Variants in RIMS1 observed in about 807,000 individuals in gnomAD.
RIMS1 encodes regulating synaptic membrane exocytosis 1.
Under a neutral mutation model 214.1 loss-of-function variants are expected in RIMS1, and 83 were observed. That is an observed-to-expected ratio of 0.39 (90% CI 0.32 to 0.47). The LOEUF is 0.47. RIMS1 is among the 20% of genes least tolerant of loss of function. The probability of loss-of-function intolerance (pLI) is 0.99; values close to 1 mark genes in which losing one functional copy is unlikely to be tolerated. For missense variants in RIMS1, 2,050 were observed against 2,161.8 expected (o/e 0.95, Z 1.03); for synonymous variants, 793 against 786.8 (o/e 1.01, Z -0.13).
intron 2 of RIMS1, among the ~76,000 whole-genome samples, chr6:72,051,558 G>T (rs975283020): frequency 1.3e-5 from 2 of 152,242 alleles, no homozygotes; most frequent in South Asian, 4.1e-4. Context: ...GTCGTGGCTT[G>T]TGAAAGCCTA....
At chr6:72,211,129 T>C (rs1381899247) in intron 6 of RIMS1, among the ~76,000 whole-genome samples, 1 of 152,190 alleles carries the variant, frequency 6.6e-6, no homozygotes, top group Non-Finnish European at 1.5e-5. Context: ...AGATTAAGAA[T>C]CTTGGTATTA....
chr6:72,232,667 A>G (rs540421995), intron 6 of RIMS1, among the ~76,000 whole-genome samples: 2 of 151,928 alleles, frequency 1.3e-5, no homozygotes, highest in African/African-American at 4.8e-5. Flanking sequence ...TGTTTATTGT[A>G]GTACCTGTAT....
intron 2 of RIMS1, among the ~76,000 whole-genome samples, chr6:72,053,134 G>A (rs1369595816): frequency 2.0e-5 from 3 of 152,106 alleles, no homozygotes; most frequent in Non-Finnish European, 4.4e-5. Context: ...AACCAACCTT[G>A]GCATAGGTCT....
At chr6:72,089,853 A>C (rs1835712479) in intron 2 of RIMS1, among the ~76,000 whole-genome samples, 1 of 147,060 alleles carries the variant, frequency 6.8e-6, no homozygotes, top group African/African-American at 2.4e-5. Flanking sequence ...AAAAATGATG[A>C]GTTCATGTCT....
chr6:71,987,142 C>T (rs1295053674), intron 2 of RIMS1, among the ~76,000 whole-genome samples: 1 of 152,178 alleles, frequency 6.6e-6, no homozygotes, highest in East Asian at 1.9e-4. Context: ...CAAGCTCCTC[C>T]ACATTTTTTT....
intron 31 of RIMS1, among the ~76,000 whole-genome samples, chr6:72,393,475 A>C (rs1275828462): frequency 6.6e-6 from 1 of 152,214 alleles, no homozygotes; most frequent in Non-Finnish European, 1.5e-5. Flanking sequence ...CTGTAATCCC[A>C]GCACTTTGGG....
chr6:72,049,508 A>G (rs1389895390), intron 2 of RIMS1, among the ~76,000 whole-genome samples: 2 of 152,200 alleles, frequency 1.3e-5, no homozygotes, highest in African/African-American at 2.4e-5. Context: ...GGAATTGACA[A>G]AGTGGGAGGA....
In RIMS1 at chr6:72,015,358, A is replaced by AT. The variant is rs528598436; in HGVS notation, c.245+46301dup. On this transcript the variant is annotated intron_variant, in intron 2 of 33. Transcript: ENST00000521978. The stretch of plus-strand genomic sequence containing the variant: ...CAGGGATGTCCAAACTGTATAACTG[A>AT]TTTTTTGTATATTGATCTTATATTC... Among the ~76,000 whole-genome samples, 237 of 152,166 alleles carry AT rather than the reference A, an allele frequency of 1.6e-3. 1 individual carries two copies. The highest frequency in any genetic ancestry group is 5.4e-3 in the African/African-American group (225 of 41,530).
intron 1 of RIMS1, among the ~76,000 whole-genome samples, chr6:71,888,562 G>C (rs1320883954): frequency 6.6e-6 from 1 of 152,344 alleles, no homozygotes; most frequent in African/African-American, 2.4e-5. Context: ...CAGTGCAGCA[G>C]TGCCTCATAG....
chr6:72,093,171 T>G (rs1041264664), intron 2 of RIMS1, among the ~76,000 whole-genome samples: 10 of 148,436 alleles, frequency 6.7e-5, no homozygotes, highest in African/African-American at 2.5e-4. Flanking sequence ...CTAGAGAGTT[T>G]GGGAAAAGTT....
intron 4 of RIMS1, among the ~76,000 whole-genome samples, chr6:72,150,691 A>G (rs900975417): frequency 1.2e-4 from 18 of 152,252 alleles, no homozygotes; most frequent in African/African-American, 4.3e-4. Flanking sequence ...ATGAATATGC[A>G]ATAGTAATTG....
chr6:72,190,515 G>A (rs996823669), intron 6 of RIMS1, among the ~76,000 whole-genome samples: 4 of 151,234 alleles, frequency 2.6e-5, no homozygotes, highest in Non-Finnish European at 4.4e-5. Context: ...GGCTGTAGGG[G>A]CTATAGTGCT....
chr6:72,384,181 A>G (rs1355573197), intron 29 of RIMS1, among the ~76,000 whole-genome samples: 1 of 152,136 alleles, frequency 6.6e-6, no homozygotes, highest in East Asian at 1.9e-4. Context: ...TGTTCATCTA[A>G]TTATTCCAAT....
chr6:72,229,960 C>T (rs2061437977), intron 6 of RIMS1, among the ~76,000 whole-genome samples: 1 of 151,704 alleles, frequency 6.6e-6, no homozygotes, highest in African/African-American at 2.4e-5. Flanking sequence ...TTTGTGTATG[C>T]AGTGCATAAA....
chr6:71,973,891 G>C (rs1188872031), intron 2 of RIMS1, among the ~76,000 whole-genome samples: 1 of 152,122 alleles, frequency 6.6e-6, no homozygotes, highest in Non-Finnish European at 1.5e-5. Flanking sequence ...TGGTGTCCAG[G>C]CTCTTACCCA....
At chr6:72,022,876 C>A (rs1157449012) in intron 2 of RIMS1, among the ~76,000 whole-genome samples, 1 of 152,084 alleles carries the variant, frequency 6.6e-6, no homozygotes, top group Non-Finnish European at 1.5e-5. Flanking sequence ...ACTAGAAAGG[C>A]AGAGGCTTTA....
rs7772472 is a variant in RIMS1 at position 71,947,824 on chromosome 6, A to G, written c.165-21159A>G. Among the ~76,000 whole-genome samples, 528 of 152,176 alleles carry G rather than the reference A, an allele frequency of 3.5e-3. 2 individuals are homozygous for G. The highest frequency in any genetic ancestry group is 0.012 in the African/African-American group (509 of 41,508). ...CAATTTATACTTGTCAATTAAAAAT[A>G]AAATTAACAAAATACAAACATATAC... On this transcript the variant is annotated intron_variant, in intron 1 of 33. Transcript: ENST00000521978.
At chr6:71,901,000 A>G (rs1002539865) in intron 1 of RIMS1, among the ~76,000 whole-genome samples, 1 of 152,122 alleles carries the variant, frequency 6.6e-6, no homozygotes, top group South Asian at 2.1e-4. Context: ...GAGATATAGG[A>G]TAAAAACCAG....
intron 33 of RIMS1, among the ~76,000 whole-genome samples, chr6:72,399,655 A>G (rs1564912203): frequency 2.4e-5 from 2 of 84,988 alleles, no homozygotes; most frequent in Admixed American, 2.0e-4. Flanking sequence ...TGCAATAAGT[A>G]TCATTATCCC....
Sources: allele counts gnomAD v4.1 joint callset (sites outside exome capture counted in the v4.1 genomes callset), GRCh38; gene constraint gnomAD v4.1.1; transcripts MANE v1.5; gene names NCBI Gene and HGNC (gene_info 2026-07-23, HGNC 2026-07-21).